Variants in EEPD1 observed in about 807,000 individuals in gnomAD.
EEPD1 encodes endonuclease/exonuclease/phosphatase family domain-containing protein 1.
In EEPD1, 17 loss-of-function variants were observed where a neutral mutation model predicts 46.3. The observed-to-expected ratio is 0.37, with a 90% CI of 0.25 to 0.55. EEPD1 has a LOEUF of 0.55. EEPD1 is among the 20% of genes least tolerant of loss of function. The probability of loss-of-function intolerance (pLI) is 0.83; values close to 1 mark genes in which losing one functional copy is unlikely to be tolerated. For synonymous variants in EEPD1, 313 were observed against 315.6 expected, an observed-to-expected ratio of 0.99 and a Z score of 0.09; for missense variants, 673 against 745.6, an observed-to-expected ratio of 0.90 and a Z score of 1.13.
intron 2 of EEPD1, among the ~76,000 whole-genome samples, chr7:36,196,533 T>C (rs1785590261): frequency 6.6e-6 from 1 of 152,218 alleles, no homozygotes; most frequent in Non-Finnish European, 1.5e-5. Flanking sequence ...TGCGTCAGCC[T>C]GCCCAGTGCC....
chr7:36,210,443 G>A (rs953992339), intron 2 of EEPD1, among the ~76,000 whole-genome samples: 2 of 152,170 alleles, frequency 1.3e-5, no homozygotes, highest in South Asian at 2.1e-4. Flanking sequence ...TGAAAATAGC[G>A]AGAGGATTTT....
chr7:36,243,621 G>A (rs1786591504), intron 3 of EEPD1, among the ~76,000 whole-genome samples: 1 of 152,084 alleles, frequency 6.6e-6, no homozygotes, highest in Admixed American at 6.5e-5. Context: ...GACCTGCACA[G>A]GCCTCCTCTT....
intron 2 of EEPD1, among the ~76,000 whole-genome samples, chr7:36,236,894 G>C (rs1249432891): frequency 6.6e-6 from 1 of 152,226 alleles, no homozygotes; most frequent in Non-Finnish European, 1.5e-5. Flanking sequence ...CCAGATAAGG[G>C]AATAAAAGCA....
intron 6 of EEPD1, among the ~76,000 whole-genome samples, chr7:36,292,516 T>C (rs1357509903): frequency 6.6e-6 from 1 of 151,706 alleles, no homozygotes; most frequent in Non-Finnish European, 1.5e-5. Context: ...TTTCTCTTCT[T>C]TCTTTTCTTC....
intron 3 of EEPD1, among the ~76,000 whole-genome samples, chr7:36,246,447 C>T (rs889151803): frequency 2.0e-5 from 3 of 152,144 alleles, no homozygotes; most frequent in Non-Finnish European, 4.4e-5. Flanking sequence ...GAAATAAAAG[C>T]CGTTATGTAT....
At chr7:36,179,485 C>A (rs978863851) in intron 2 of EEPD1, among the ~76,000 whole-genome samples, 3 of 151,638 alleles carry the variant, frequency 2.0e-5, no homozygotes, top group Non-Finnish European at 4.4e-5. Context: ...CTTTGGGAGG[C>A]AAGGCGGGAG....
intron 2 of EEPD1, among the ~76,000 whole-genome samples, chr7:36,191,190 A>T (rs1785454487): frequency 6.6e-6 from 1 of 152,220 alleles, no homozygotes; most frequent in South Asian, 2.1e-4. Flanking sequence ...AAGCATTGTT[A>T]TCTTGGATGA....
intron 3 of EEPD1, among the ~76,000 whole-genome samples, chr7:36,273,208 G>A (rs557976708): frequency 1.1e-4 from 16 of 152,048 alleles, no homozygotes; most frequent in African/African-American, 3.4e-4. Context: ...TAAGTGACCC[G>A]GCTATGTTAC....
At chr7:36,237,532 C>T (rs568723014) in intron 2 of EEPD1, among the ~76,000 whole-genome samples, 1 of 152,198 alleles carries the variant, frequency 6.6e-6, no homozygotes, top group Non-Finnish European at 1.5e-5. Context: ...AAGCACCATT[C>T]TGTTACCGGA....
In EEPD1 at chr7:36,219,775, AAGAGAGAG is replaced by A. The variant is rs752270283; in HGVS notation, c.879-19185_879-19178del. Among the ~76,000 whole-genome samples the A allele has an allele frequency of 6.6e-3, 788 of 118,974 alleles. 13 individuals are homozygous for A. The highest frequency in any genetic ancestry group is 0.025 in the African/African-American group (742 of 30,090). 78.1% of individuals were successfully genotyped at this position (118,974 alleles called of 152,430 possible). On this transcript the variant is annotated intron_variant, in intron 2 of 7. Coordinates refer to ENST00000242108, the MANE Select transcript of EEPD1 (RefSeq NM_030636.3). ...GCATGCATTTAAAGAGAGAGAGAGAAAGAGAGAGAGAGAGAGAGAGAGAGAGAGAGAGT... is the reference window on the plus strand; with the variant it reads ...GCATGCATTTAAAGAGAGAGAGAGAAAGAGAGAGAGAGAGAGAGAGAGAGT...
intron 2 of EEPD1, among the ~76,000 whole-genome samples, chr7:36,186,546 C>T (rs1054110088): frequency 6.6e-6 from 1 of 152,224 alleles, no homozygotes; most frequent in African/African-American, 2.4e-5. Flanking sequence ...CCTATATAGT[C>T]ATCTTGTGAA....
intron 3 of EEPD1, among the ~76,000 whole-genome samples, chr7:36,271,668 G>A (rs889942979): frequency 2.8e-5 from 4 of 143,906 alleles, no homozygotes; most frequent in African/African-American, 5.1e-5. Context: ...TGGTGTTTTA[G>A]TCATGAAGTC....
At chr7:36,291,199 A>G (rs890793855) in intron 6 of EEPD1, among the ~76,000 whole-genome samples, 1 of 152,218 alleles carries the variant, frequency 6.6e-6, no homozygotes, top group Non-Finnish European at 1.5e-5. Flanking sequence ...CAATGAATGT[A>G]GCATCTTTCT....
intron 2 of EEPD1, among the ~76,000 whole-genome samples, chr7:36,169,335 A>G (rs1785040701): frequency 6.6e-6 from 1 of 152,158 alleles, no homozygotes; most frequent in South Asian, 2.1e-4. Context: ...TGGCTGCACC[A>G]TTTTACATTT....
chr7:36,221,244 G>C (rs1786141937), intron 2 of EEPD1, among the ~76,000 whole-genome samples: 1 of 152,138 alleles, frequency 6.6e-6, no homozygotes, highest in Non-Finnish European at 1.5e-5. Flanking sequence ...TTGGAGCTCT[G>C]TTCCGTATCA....
At chr7:36,255,608 A>G (rs963284964) in intron 3 of EEPD1, among the ~76,000 whole-genome samples, 1 of 152,096 alleles carries the variant, frequency 6.6e-6, no homozygotes, top group Non-Finnish European at 1.5e-5. Context: ...TTTCTGGTTT[A>G]TTTGCGTACA....
At chr7:36,160,430 CG>C (rs1310417935) in intron 2 of EEPD1, among the ~76,000 whole-genome samples, 5 of 151,658 alleles carry the variant, frequency 3.3e-5, no homozygotes, top group African/African-American at 1.2e-4. Context: ...AAGCCAGGCA[CG>C]GAAGAAGCCA....
intron 5 of EEPD1, 192 bp from the exon 6 acceptor site, chr7:36,287,447 C>T: frequency 1.3e-6 from 1 of 772,106 alleles, no homozygotes; most frequent in South Asian, 2.0e-5. Flanking sequence ...CAAAATAGGC[C>T]TTGTTCCTGC....
chr7:36,205,774 G>C (rs1460568411), intron 2 of EEPD1, among the ~76,000 whole-genome samples: 1 of 152,194 alleles, frequency 6.6e-6, no homozygotes, highest in East Asian at 1.9e-4. Context: ...GCATAAACCA[G>C]GTCTCTGGCT....
Sources: allele counts gnomAD v4.1 joint callset (sites outside exome capture counted in the v4.1 genomes callset), GRCh38; gene constraint gnomAD v4.1.1; transcripts MANE v1.5; gene names NCBI Gene and HGNC (gene_info 2026-07-23, HGNC 2026-07-21).